CFAP251: variants seen among roughly 807,000 people sequenced by gnomAD.
CFAP251 encodes the protein cilia and flagella associated protein 251.
Under a neutral mutation model 126.7 loss-of-function variants are expected in CFAP251, and 93 were observed. The observed-to-expected ratio is 0.73, with a 90% CI of 0.62 to 0.87. The LOEUF (loss-of-function observed/expected upper bound fraction) is 0.87, where lower values mean the gene tolerates loss of function less well. Ranked by LOEUF, CFAP251 falls within the 40% of genes least tolerant of loss-of-function variation. The pLI, the probability that CFAP251 is intolerant of heterozygous loss-of-function variation, is 0.00. For synonymous variants in CFAP251, 503 were observed against 506.9 expected, an observed-to-expected ratio of 0.99 and a Z score of 0.10; for missense variants, 1,287 against 1,389.2, an observed-to-expected ratio of 0.93 and a Z score of 1.17.
At chr12:121,962,337 T>C (rs1028415219) in intron 15 of CFAP251, among the ~76,000 whole-genome samples, 175 bp downstream of exon 15, 2 of 152,200 alleles carry the variant, frequency 1.3e-5, no homozygotes, top group African/African-American at 4.8e-5. Flanking sequence ...ACCAAGGTCA[T>C]GTGGCCCTGT....
At chr12:121,994,851 A>C (rs1882987872) in intron 19 of CFAP251, among the ~76,000 whole-genome samples, 2 of 137,356 alleles carry the variant, frequency 1.5e-5, no homozygotes, top group Admixed American at 7.5e-5. Context: ...GCCTAGGAAA[A>C]CCAGAGACCT....
At position 121,921,288 on chromosome 12, in the gene CFAP251, G is replaced by T; in HGVS notation, c.-18G>T. On this transcript the variant is annotated splice_region_variant and 5_prime_UTR_variant, in exon 2 of 22. Coordinates refer to ENST00000288912, the MANE Select transcript of CFAP251 (RefSeq NM_144668.6). ...TATTATGGTCAAAATCTCTCTAGAG[G>T]AAACTCTACAGAGAAGAATGTCAGA... 1.3e-6 allele frequency: 2 copies of T among 1,555,320 alleles called. No individual in the cohort carries two copies. Among genetic ancestry groups the T allele is most frequent in the Non-Finnish European group, 1.7e-6 (2 of 1,158,548 alleles).
chr12:121,943,318 A>T (rs958103324), intron 7 of CFAP251, among the ~76,000 whole-genome samples: 9 of 152,206 alleles, frequency 5.9e-5, no homozygotes. Context: ...GTCTCAAAAA[A>T]ACAAAAACAA....
intron 19 of CFAP251, among the ~76,000 whole-genome samples, chr12:121,988,358 A>C (rs1294327471): frequency 3.3e-5 from 5 of 152,136 alleles, no homozygotes; most frequent in African/African-American, 1.2e-4. Context: ...TTATCATCCC[A>C]AAAAGAAACC....
intron 5 of CFAP251, among the ~76,000 whole-genome samples, chr12:121,935,874 A>G (rs1340336643): frequency 6.6e-6 from 1 of 152,200 alleles, no homozygotes; most frequent in African/African-American, 2.4e-5. Flanking sequence ...GGCTGGAGGC[A>G]GACTGAATGG....
At chr12:121,981,786 G>T (rs939129984) in intron 19 of CFAP251, among the ~76,000 whole-genome samples, 4 of 152,212 alleles carry the variant, frequency 2.6e-5, no homozygotes, top group African/African-American at 9.6e-5. Flanking sequence ...CATTGTGGAG[G>T]CTCCAGGGTC....
At position 122,003,815 on chromosome 12, in the gene CFAP251, A is replaced by C. The variant is rs1317567792; in HGVS notation, c.*51A>C. Reference sequence around the variant, plus strand: ...AAGGACTTTGGGTGTGTGTGCATGCACATGTGTGTGTTTTCCATGAGGCAC... The same window carrying C: ...AAGGACTTTGGGTGTGTGTGCATGCCCATGTGTGTGTTTTCCATGAGGCAC... On this transcript the variant is annotated 3_prime_UTR_variant, in exon 22 of 22. Transcript: ENST00000288912. 16 of 1,405,272 alleles carry C rather than the reference A, an allele frequency of 1.1e-5. No homozygotes were observed. Among genetic ancestry groups the C allele is most frequent in the Non-Finnish European group, 1.5e-5 (15 of 1,031,564 alleles). 87.1% of individuals were successfully genotyped at this position (1,405,272 alleles called of 1,614,324 possible). A position where few individuals can be genotyped will look rare whatever the true frequency, so the allele number is the denominator to read the frequency against.
chr12:121,970,714 G>A (rs1882302566), intron 17 of CFAP251, among the ~76,000 whole-genome samples: 1 of 152,234 alleles, frequency 6.6e-6, no homozygotes, highest in Admixed American at 6.5e-5. Context: ...GAAGGTCGTT[G>A]GGATCGCATG....
intron 2 of CFAP251, among the ~76,000 whole-genome samples, chr12:121,922,593 G>A (rs1244506055): frequency 6.6e-6 from 1 of 152,150 alleles, no homozygotes; most frequent in Non-Finnish European, 1.5e-5. Flanking sequence ...TAATAGGAGT[G>A]TAGGCTTCCC....
chr12:121,968,142 C>A lies in CFAP251; in HGVS notation c.2744C>A (p.Ser915Ter). The A allele has an allele frequency of 6.2e-7, 1 of 1,609,662 alleles. No individual in the cohort carries two copies. Among genetic ancestry groups the A allele is most frequent in the South Asian group, 1.1e-5 (1 of 90,866 alleles). ...TTCACTGCGGGAGGGCACGATCGCT[C>A]GGTGGTGCAGTGGAAAATCACCTTA... ...YAFTAGGHDR[S>*]VVQWKITLSV... The change falls in exon 17 of 22, where the codon TCG (serine) becomes TAG (stop). Residue 915 changes from serine to a stop codon, truncating the protein, a stop_gained. Coordinates refer to ENST00000288912, the MANE Select transcript of CFAP251 (RefSeq NM_144668.6). LOFTEE classifies it high-confidence loss of function.
intron 7 of CFAP251, among the ~76,000 whole-genome samples, chr12:121,944,316 C>G (rs1881236861): frequency 1.3e-5 from 2 of 152,160 alleles, no homozygotes; most frequent in South Asian, 4.1e-4. Context: ...CCCAACATTC[C>G]TCTTGCTCCT....
At chr12:121,934,184 G>C in intron 4 of CFAP251, 63 bp from the exon 5 acceptor site, 1 of 1,324,978 alleles carries the variant, frequency 7.5e-7, no homozygotes, top group Non-Finnish European at 1.1e-6. Context: ...GGCCTTTGCT[G>C]ATAGTGGCCA....
At position 121,921,486 on chromosome 12, in the gene CFAP251, G is replaced by GA; in HGVS notation, c.183dup (p.Gly62ArgfsTer17). On this transcript the variant is annotated frameshift_variant, in exon 2 of 22. Transcript: ENST00000288912. LOFTEE classifies it high-confidence loss of function. ...GGAGGAGAGGAAAACGGGCGAGGAGGAAGGGGAGGAGGAGGGGAAGGAGGA... is the reference window on the plus strand; with the variant it reads ...GGAGGAGAGGAAAACGGGCGAGGAGGAAAGGGGAGGAGGAGGGGAAGGAGGA... 6.2e-7 allele frequency: 1 copy of GA among 1,605,756 alleles called. No individual in the cohort carries two copies. The highest frequency in any genetic ancestry group is 8.5e-7 in the Non-Finnish European group (1 of 1,177,618).
intron 16 of CFAP251, among the ~76,000 whole-genome samples, chr12:121,967,317 T>C (rs890900562): frequency 4.6e-5 from 7 of 152,376 alleles, no homozygotes; most frequent in African/African-American, 1.7e-4. Flanking sequence ...AAAGGATTTT[T>C]CCTTCTTATT....
chr12:121,985,440 AG>A (rs1882722730), intron 19 of CFAP251, among the ~76,000 whole-genome samples: 1 of 150,750 alleles, frequency 6.6e-6, no homozygotes, highest in African/African-American at 2.4e-5. Context: ...AGGGTGAGGC[AG>A]GAGAATCGCT....
chr12:121,939,729 T>C (rs1051639492), intron 5 of CFAP251, among the ~76,000 whole-genome samples: 1 of 152,212 alleles, frequency 6.6e-6, no homozygotes, highest in Non-Finnish European at 1.5e-5. Context: ...TGTTTTGGTT[T>C]TAGGATTAAT....
Position 121,978,251 on chromosome 12 carries a change from G to A in CFAP251, c.3006+2566G>A, listed in dbSNP as rs370830727. 2.0e-5 allele frequency among the ~76,000 whole-genome samples: 3 copies of A among 150,698 alleles called. 1 individual carries two copies. Among genetic ancestry groups the A allele is most frequent in the South Asian group, 4.2e-4 (2 of 4,768 alleles). On this transcript the variant is annotated intron_variant, in intron 19 of 21. Coordinates refer to ENST00000288912, the MANE Select transcript of CFAP251 (RefSeq NM_144668.6). ...ACTAAAAAAATACAAAAAATAAGCC[G>A]AGCGTGGTGGCGGGTGCCTATAGTC... is the stretch of plus-strand genomic sequence containing the variant.
Position 121,990,353 on chromosome 12 carries a change from G to T in CFAP251, c.3007-9363G>T, listed in dbSNP as rs77526397. Among the ~76,000 whole-genome samples, 1,653 of 152,326 alleles carry T rather than the reference G, an allele frequency of 0.011. 79 individuals are homozygous for T. In the East Asian group the frequency reaches 0.15, roughly 14 times the overall value. Reference sequence around the variant, plus strand: ...ATGGGTGGGCAACACCAGGGGCACAGGTTGGCCTCAGGAGGGTGAGATCCC... The same window carrying T: ...ATGGGTGGGCAACACCAGGGGCACATGTTGGCCTCAGGAGGGTGAGATCCC... On this transcript the variant is annotated intron_variant, in intron 19 of 21. Transcript: ENST00000288912.
chr12:121,971,483 A>G, intron 17 of CFAP251: 1 of 700,096 alleles, frequency 1.4e-6, no homozygotes, highest in Non-Finnish European at 2.6e-6. Context: ...AATCCCAACC[A>G]CTTGTGCTGA....
Sources: allele counts gnomAD v4.1 joint callset (sites outside exome capture counted in the v4.1 genomes callset), GRCh38; gene constraint gnomAD v4.1.1; transcripts MANE v1.5; gene names NCBI Gene and HGNC (gene_info 2026-07-23, HGNC 2026-07-21).